Variants in KIF2C observed in about 807,000 individuals in gnomAD.
The protein encoded by KIF2C is kinesin family member 2C, also known as kinesin-like protein KIF2C.
In KIF2C, 34 loss-of-function variants were observed where a neutral mutation model predicts 97.4. That is an observed-to-expected ratio of 0.35 (90% confidence interval 0.27 to 0.46). The LOEUF (loss-of-function observed/expected upper bound fraction) is 0.46. KIF2C is among the 20% of genes least tolerant of loss of function. The pLI, the probability that KIF2C is intolerant of heterozygous loss-of-function variation, is 1.00. For synonymous variants in KIF2C, 313 were observed against 318.2 expected, an observed-to-expected ratio of 0.98 and a Z score of 0.17; for missense variants, 750 against 907.6, an observed-to-expected ratio of 0.83 and a Z score of 2.23.
intron 2 of KIF2C, among the ~76,000 whole-genome samples, chr1:44,742,277 T>C (rs1385240453): frequency 1.3e-5 from 2 of 151,840 alleles, no homozygotes; most frequent in Non-Finnish European, 2.9e-5. Flanking sequence ...GCCCGGCTAA[T>C]TTTTTGTATT....
At chr1:44,751,130 G>A (rs982285508) in intron 5 of KIF2C, among the ~76,000 whole-genome samples, 57 of 152,210 alleles carry the variant, frequency 3.7e-4, no homozygotes, top group African/African-American at 1.4e-3. Flanking sequence ...TCCCCCAAGG[G>A]TACCCATAAT....
intron 2 of KIF2C, 114 bp downstream of exon 2, chr1:44,741,121 G>C (rs1183922680): frequency 2.6e-6 from 2 of 757,388 alleles, no homozygotes; most frequent in Admixed American, 5.1e-5. Flanking sequence ...TCTCACTCAC[G>C]CCTGTAATCC....
Position 44,753,129 on chromosome 1 carries a change from C to A in KIF2C, c.440-3C>A. On this transcript the variant is annotated splice_region_variant and splice_polypyrimidine_tract_variant and intron_variant, in intron 5 of 20. Transcript: ENST00000372224. ...TTCTCCAGTGACTCTTGTTCCCCTACAGCTGCCCCCACTAGGCCTTCCTGC... is the reference window on the plus strand; with the variant it reads ...TTCTCCAGTGACTCTTGTTCCCCTAAAGCTGCCCCCACTAGGCCTTCCTGC... The A allele has an allele frequency of 6.2e-7, 1 of 1,610,420 alleles. No homozygotes were observed. The highest frequency in any genetic ancestry group is 2.2e-5 in the East Asian group (1 of 44,814).
chr1:44,765,277 A>G (rs1049225311), intron 19 of KIF2C, among the ~76,000 whole-genome samples: 5 of 152,092 alleles, frequency 3.3e-5, no homozygotes, highest in Admixed American at 1.3e-4. Context: ...ATAAATAAAT[A>G]TCCCAAAGGT....
intron 7 of KIF2C, 124 bp downstream of exon 7, chr1:44,753,957 T>TA: frequency 4.8e-5 from 14 of 292,264 alleles, no homozygotes; most frequent in East Asian, 1.8e-4. Flanking sequence ...AGGCCCCAAT[T>TA]CTTTTTTTTT....
Position 44,746,867 on chromosome 1 carries a change from A to G in KIF2C, c.166-517A>G, listed in dbSNP as rs538804589. The G allele has an allele frequency of 5.0e-5, 55 of 1,096,782 alleles. No individual in the cohort carries two copies. In the South Asian group the frequency reaches 8.5e-4, roughly 17 times the overall value. The allele number at this position is 1,096,782 out of a possible 1,614,324, so 67.9% of individuals were successfully genotyped here. Reference sequence around the variant, plus strand: ...GGGGTACCCCTGTCTATAGAAATTTAATTTTTTCTATGTTGTTTTTTTGTT... The same window carrying G: ...GGGGTACCCCTGTCTATAGAAATTTGATTTTTTCTATGTTGTTTTTTTGTT... On this transcript the variant is annotated intron_variant, in intron 2 of 20. Transcript: ENST00000372224.
Position 44,741,000 on chromosome 1 carries a change from G to C in KIF2C, c.158G>C (p.Gly53Ala). The C allele has an allele frequency of 6.2e-7, 1 of 1,612,312 alleles. No individual in the cohort carries two copies. Among genetic ancestry groups the C allele is most frequent in the East Asian group, 2.2e-5 (1 of 44,858 alleles). Residue 53 changes from glycine (G) to alanine (A), a missense_variant, in exon 2 of 21, where the codon GGC becomes GCC. By Grantham distance (60) the Gly-to-Ala change is moderately conservative (BLOSUM62 0). Transcript: ENST00000372224. Reference protein sequence around the residue: ...VEWAEGGATKGKEIDFDDVAA... With the variant: ...VEWAEGGATKAKEIDFDDVAA... ...TGGGCAGAAGGAGGTGCCACAAAGG[G>C]CAAAGAGGTAGGTTCTATGAGAATT...
intron 4 of KIF2C, among the ~76,000 whole-genome samples, chr1:44,749,881 A>G (rs530618591): frequency 1.3e-5 from 2 of 152,048 alleles, no homozygotes; most frequent in African/African-American, 4.8e-5. Context: ...GATTGAGACC[A>G]TGCTGGCCAA....
In KIF2C at chr1:44,748,286, C is replaced by T. The variant is rs972454185; in HGVS notation, c.316+586C>T. ...CAGTTGTACCTTGAAGGCTGGTGACCTGCACAGCTCTCCAGGTCTAGGGGT... is the reference window on the plus strand; with the variant it reads ...CAGTTGTACCTTGAAGGCTGGTGACTTGCACAGCTCTCCAGGTCTAGGGGT... On this transcript the variant is annotated intron_variant, in intron 4 of 20. Transcript: ENST00000372224. 4.6e-5 allele frequency among the ~76,000 whole-genome samples: 7 copies of T among 152,290 alleles called. No homozygotes were observed. In the South Asian group the frequency reaches 1.2e-3, roughly 27 times the overall value.
Position 44,750,579 on chromosome 1 carries a change from T to C in KIF2C, c.439+15T>C. 1 of 1,519,020 alleles carries C rather than the reference T, an allele frequency of 6.6e-7. No individual in the cohort carries two copies. The highest frequency in any genetic ancestry group is 8.9e-7 in the Non-Finnish European group (1 of 1,124,738). The allele number at this position is 1,519,020 out of a possible 1,614,324, so 94.1% of individuals were successfully genotyped here. A position where few individuals can be genotyped will look rare whatever the true frequency, so the allele number is the denominator to read the frequency against. ...TTCAGTTCCTCGTGAGTAACGAATG[T>C]GCCCCCAACCACCATGTTTGAGGCC... is the stretch of plus-strand genomic sequence containing the variant. On this transcript the variant is annotated intron_variant, in intron 5 of 20. Coordinates refer to ENST00000372224, the MANE Select transcript of KIF2C (RefSeq NM_006845.4).
chr1:44,751,235 A>G (rs1292824089), intron 5 of KIF2C, among the ~76,000 whole-genome samples: 1 of 151,966 alleles, frequency 6.6e-6, no homozygotes, highest in Admixed American at 6.6e-5. Context: ...CACTCTTGTC[A>G]CCCAGGCTGG....
intron 13 of KIF2C, among the ~76,000 whole-genome samples, chr1:44,758,455 A>G (rs1428667320): frequency 6.6e-6 from 1 of 152,106 alleles, no homozygotes; most frequent in Non-Finnish European, 1.5e-5. Context: ...TCTCATATTC[A>G]TTCTTTCCCT....
At chr1:44,749,897 T>C (rs1348531150) in intron 4 of KIF2C, among the ~76,000 whole-genome samples, 1 of 151,360 alleles carries the variant, frequency 6.6e-6, no homozygotes, top group African/African-American at 2.4e-5. Flanking sequence ...GCCAACATGG[T>C]GAAACCCCGT....
At position 44,767,162 on chromosome 1, in the gene KIF2C, A is replaced by G. The variant is rs1650514037; in HGVS notation, c.2161A>G (p.Lys721Glu). The change falls in exon 21 of 21, where the codon AAG (lysine) becomes GAG (glutamate). Residue 721 changes from lysine to glutamate, a missense_variant. Coordinates refer to ENST00000372224, the MANE Select transcript of KIF2C (RefSeq NM_006845.4). ...EEQASRQISSKKRPQ is the reference protein window; with the variant it reads ...EEQASRQISSEKRPQ Reference sequence around the variant, plus strand: ...GCAGGCTAGCAGACAAATAAGCAGCAAGAAACGGCCCCAGTGACGACTGCA... The same window carrying G: ...GCAGGCTAGCAGACAAATAAGCAGCGAGAAACGGCCCCAGTGACGACTGCA... 1 of 1,614,034 alleles carries G rather than the reference A, an allele frequency of 6.2e-7. No individual in the cohort carries two copies. The highest frequency in any genetic ancestry group is 8.5e-7 in the Non-Finnish European group (1 of 1,180,020).
chr1:44,746,902 G>T (rs1649228645), intron 2 of KIF2C: 10 of 905,300 alleles, frequency 1.1e-5, no homozygotes, highest in South Asian at 1.8e-5. Context: ...TTGTTTGTTT[G>T]TTTTTTGTTT....
At chr1:44,754,906 C>T in intron 8 of KIF2C, 61 bp downstream of exon 8, 1 of 1,032,224 alleles carries the variant, frequency 9.7e-7, no homozygotes, top group East Asian at 2.4e-5. Context: ...GAAAACTTCT[C>T]TTTACAGGAA....
In KIF2C at chr1:44,747,519, C is replaced by T. The variant is rs374146267; in HGVS notation, c.267+34C>T. 12 of 1,585,988 alleles carry T rather than the reference C, an allele frequency of 7.6e-6. No homozygotes were observed. The African/African-American group carries it at 1.4e-4, about 18-fold the overall frequency. On this transcript the variant is annotated intron_variant, in intron 3 of 20. Coordinates refer to ENST00000372224, the MANE Select transcript of KIF2C (RefSeq NM_006845.4). The stretch of plus-strand genomic sequence containing the variant: ...CTGTCATCTGGCTGCAGCCAGTGCG[C>T]CAGAGAATTCACTTTGCTTATTGAC...
intron 2 of KIF2C, among the ~76,000 whole-genome samples, chr1:44,745,462 G>GTGTTTTTTT (rs1557589253): frequency 2.3e-5 from 1 of 42,748 alleles, no homozygotes; most frequent in African/African-American, 1.2e-4. Flanking sequence ...GGTTGTATAT[G>GTGTTTTTTT]TCTTTTTTTT....
chr1:44,742,180 G>A (rs1648968204), intron 2 of KIF2C, among the ~76,000 whole-genome samples: 1 of 151,836 alleles, frequency 6.6e-6, no homozygotes, highest in Non-Finnish European at 1.5e-5. Flanking sequence ...CGAGATCTCA[G>A]CTCACTGCAA....
Sources: gnomAD v4.1 joint callset for allele counts (sites outside exome capture counted in the v4.1 genomes callset) on GRCh38, gnomAD v4.1.1 for gene constraint, MANE v1.5 for transcripts, NCBI Gene and HGNC (gene_info 2026-07-23, HGNC 2026-07-21) for gene names.